The following TTC39B variants were observed in gnomAD, a reference collection of about 807,000 sequenced individuals.
TTC39B encodes tetratricopeptide repeat domain 39B.
TTC39B carries 92 observed loss-of-function variants against 96.6 expected under a neutral mutation model. The ratio of observed to expected loss-of-function variants is 0.95; its 90% CI spans 0.80 to 1.13. The LOEUF (loss-of-function observed/expected upper bound fraction) is 1.13. Among genes scored for constraint, TTC39B ranks in the 50% most tolerant of loss-of-function variants. The pLI, the probability that TTC39B is intolerant of heterozygous loss-of-function variation, is 0.00. For synonymous variants in TTC39B, 367 were observed against 299.4 expected (o/e 1.23, Z -2.33); for missense variants, 955 against 809.3 (o/e 1.18, Z -2.18).
exon 20 of TTC39B, chr9:15,163,634 T>C (rs1817471028): frequency 6.6e-6 from 1 of 152,222 alleles, no homozygotes; most frequent in African/African-American, 2.4e-5. Context: ...CCATCAAATG[T>C]AATTTATTTA....
intron 1 of TTC39B, among the ~76,000 whole-genome samples, chr9:15,291,565 T>C (rs1049248349): frequency 2.6e-5 from 4 of 152,226 alleles, no homozygotes; most frequent in South Asian, 2.1e-4. Context: ...GCAGATGATA[T>C]GTAGAGTTCA....
chr9:15,218,017 G>A (rs1026433354), intron 3 of TTC39B, among the ~76,000 whole-genome samples: 1 of 151,902 alleles, frequency 6.6e-6, no homozygotes, highest in African/African-American at 2.4e-5. Flanking sequence ...AGACCAGCCT[G>A]GCCAACATGG....
intron 3 of TTC39B, among the ~76,000 whole-genome samples, chr9:15,218,223 C>A (rs1383699124): frequency 6.7e-6 from 1 of 149,862 alleles, no homozygotes; most frequent in Non-Finnish European, 1.5e-5. Flanking sequence ...GGCTCATCAG[C>A]ATAGCATCCC....
chr9:15,245,259 C>A (rs1001817686), intron 2 of TTC39B, among the ~76,000 whole-genome samples: 1 of 152,138 alleles, frequency 6.6e-6, no homozygotes, highest in African/African-American at 2.4e-5. Context: ...ATCACAGAAA[C>A]CTTCATTCAC....
chr9:15,279,417 T>C (rs1220108516), intron 1 of TTC39B, among the ~76,000 whole-genome samples: 1 of 152,192 alleles, frequency 6.6e-6, no homozygotes, highest in Non-Finnish European at 1.5e-5. Context: ...AGAAATCCTA[T>C]AATGGGGGAG....
At chr9:15,233,322 A>ACCTCGCCCTCGC (rs200386747) in intron 2 of TTC39B, among the ~76,000 whole-genome samples, 1 of 151,220 alleles carries the variant, frequency 6.6e-6, no homozygotes, top group African/African-American at 2.4e-5. Flanking sequence ...GGAGAAGAAA[A>ACCTCGCCCTCGC]CCTCGCCCTC....
intron 1 of TTC39B, among the ~76,000 whole-genome samples, chr9:15,272,966 T>C (rs1823409945): frequency 6.6e-6 from 1 of 152,160 alleles, no homozygotes; most frequent in African/African-American, 2.4e-5. Context: ...TGCCTCCAGA[T>C]CATAGAAACT....
chr9:15,233,545 A>G (rs1338088595), intron 2 of TTC39B, among the ~76,000 whole-genome samples: 1 of 150,280 alleles, frequency 6.7e-6, no homozygotes, highest in African/African-American at 2.4e-5. Flanking sequence ...TTTGGTGGAG[A>G]CGGGGTTTCG....
At chr9:15,303,669 G>C (rs1375065974) in intron 1 of TTC39B, among the ~76,000 whole-genome samples, 1 of 149,062 alleles carries the variant, frequency 6.7e-6, no homozygotes, top group Non-Finnish European at 1.5e-5. Context: ...TTTTACTCTT[G>C]TTGCCCCCGC....
intron 2 of TTC39B, among the ~76,000 whole-genome samples, chr9:15,235,648 G>T (rs1168793425): frequency 2.0e-5 from 3 of 152,038 alleles, no homozygotes; most frequent in African/African-American, 4.8e-5. Context: ...GAAGAGATTG[G>T]GGTCTATTTT....
intron 1 of TTC39B, among the ~76,000 whole-genome samples, chr9:15,275,195 C>T (rs1362823921): frequency 2.0e-5 from 3 of 152,160 alleles, no homozygotes; most frequent in East Asian, 1.9e-4. Flanking sequence ...GCATGCACCA[C>T]TACACCCAGC....
intron 2 of TTC39B, among the ~76,000 whole-genome samples, chr9:15,240,750 C>T (rs1191679877): frequency 1.3e-5 from 2 of 152,188 alleles, no homozygotes; most frequent in Non-Finnish European, 2.9e-5. Context: ...TACATCACTA[C>T]TCAATGTGTT....
chr9:15,207,868 C>T (rs755754362), intron 6 of TTC39B, among the ~76,000 whole-genome samples: 2 of 149,684 alleles, frequency 1.3e-5, no homozygotes, highest in Non-Finnish European at 3.0e-5. Context: ...CCTGTAATCC[C>T]AGCTACTCGG....
chr9:15,166,993 TA>T lies in TTC39B; in HGVS notation c.*5025del, dbSNP rs1564299635. 5.5e-3 allele frequency: 28 copies of T among 5,130 alleles called. 2 individuals are homozygous for T. The highest frequency in any genetic ancestry group is 0.022 in the African/African-American group (27 of 1,246). 0.3% of individuals were successfully genotyped at this position (5,130 alleles called of 1,614,324 possible). A position where few individuals can be genotyped will look rare whatever the true frequency, so the allele number is the denominator to read the frequency against. ...CACAAACCTTTATTTTATATATATA[TA>T]TATATATATATATATATATATATAT... On this transcript the variant is annotated 3_prime_UTR_variant, in exon 20 of 20. Transcript: ENST00000512701.
intron 1 of TTC39B, among the ~76,000 whole-genome samples, chr9:15,279,816 T>C (rs2131579969): frequency 6.6e-6 from 1 of 152,194 alleles, no homozygotes; most frequent in African/African-American, 2.4e-5. Flanking sequence ...ACTATTGGTG[T>C]CAGGAAACTA....
At chr9:15,219,706 G>T (rs1472725468) in intron 3 of TTC39B, among the ~76,000 whole-genome samples, 1 of 152,120 alleles carries the variant, frequency 6.6e-6, no homozygotes, top group African/African-American at 2.4e-5. Flanking sequence ...CCTCCTCTGA[G>T]AAAGGAATTA....
intron 2 of TTC39B, among the ~76,000 whole-genome samples, chr9:15,238,789 C>T (rs1167883085): frequency 6.6e-6 from 1 of 152,082 alleles, no homozygotes; most frequent in African/African-American, 2.4e-5. Flanking sequence ...AGTTTAAGAC[C>T]AGCCTGGGCA....
At chr9:15,199,967 A>C (rs1819437520) in intron 7 of TTC39B, 42 bp from the exon 8 acceptor site, 7 of 1,177,312 alleles carry the variant, frequency 5.9e-6, no homozygotes, top group Non-Finnish European at 7.4e-6. Flanking sequence ...TTTAGCAAAA[A>C]ATTTTAAATT....
At chr9:15,242,285 A>G (rs1017248360) in intron 2 of TTC39B, among the ~76,000 whole-genome samples, 4 of 152,198 alleles carry the variant, frequency 2.6e-5, no homozygotes, top group African/African-American at 9.6e-5. Flanking sequence ...AAGAATATCA[A>G]CAACGGGAAA....
Sources: allele counts gnomAD v4.1 joint callset (sites outside exome capture counted in the v4.1 genomes callset), GRCh38; gene constraint gnomAD v4.1.1; transcripts MANE v1.5; gene names NCBI Gene and HGNC (gene_info 2026-07-23, HGNC 2026-07-21).